NFX1: variants seen among roughly 807,000 people sequenced by gnomAD.
NFX1 encodes transcriptional repressor NF-X1.
Under a neutral mutation model 137.2 loss-of-function variants are expected in NFX1, and 69 were observed. The ratio of observed to expected loss-of-function variants is 0.50; its 90% CI spans 0.41 to 0.61. NFX1 has a LOEUF of 0.61. Among genes scored for constraint, NFX1 ranks in the 20% least tolerant of loss-of-function variants. The pLI, the probability that NFX1 is intolerant of heterozygous loss-of-function variation, is 0.00. For missense variants in NFX1, 1,167 were observed against 1,391.0 expected, an observed-to-expected ratio of 0.84 and a Z score of 2.56; for synonymous variants, 495 against 474.1, an observed-to-expected ratio of 1.04 and a Z score of -0.57.
chr9:33,310,384 A>G (rs1278513307), intron 5 of NFX1, among the ~76,000 whole-genome samples: 1 of 152,184 alleles, frequency 6.6e-6, no homozygotes, highest in East Asian at 1.9e-4. Context: ...CCACTGTGTA[A>G]TTTGCCAAAG....
At chr9:33,364,992 G>A (rs1001379224) in intron 21 of NFX1, 16 of 1,359,590 alleles carry the variant, frequency 1.2e-5, no homozygotes, top group Non-Finnish European at 1.5e-5. Flanking sequence ...ATCTACAGTC[G>A]GCTGGGCACA....
At chr9:33,352,898 T>G in intron 17 of NFX1, 179 bp downstream of exon 17, 1 of 561,052 alleles carries the variant, frequency 1.8e-6, no homozygotes, top group South Asian at 2.3e-5. Flanking sequence ...ATAGTATCCT[T>G]GCAACTTTTC....
intron 19 of NFX1, among the ~76,000 whole-genome samples, chr9:33,357,005 A>T (rs1036375120): frequency 5.3e-5 from 8 of 151,738 alleles, no homozygotes; most frequent in South Asian, 2.1e-4. Flanking sequence ...AAAAAAAAAA[A>T]AAAATAAGCC....
intron 9 of NFX1, among the ~76,000 whole-genome samples, chr9:33,321,708 T>G (rs940682298): frequency 7.9e-5 from 12 of 152,098 alleles, no homozygotes; most frequent in Non-Finnish European, 4.4e-5. Flanking sequence ...AGACCCTGTA[T>G]GTACCAAAAA....
intron 10 of NFX1, among the ~76,000 whole-genome samples, chr9:33,330,337 C>T (rs974795180): frequency 7.2e-5 from 11 of 152,150 alleles, no homozygotes; most frequent in African/African-American, 2.4e-4. Context: ...GGATATAGTC[C>T]ATAAATGGGA....
At chr9:33,360,793 A>G (rs532435433) in intron 19 of NFX1, among the ~76,000 whole-genome samples, 33 of 152,346 alleles carry the variant, frequency 2.2e-4, no homozygotes, top group African/African-American at 7.9e-4. Context: ...TCCCCTAGAA[A>G]TTCTCTTGAA....
rs373222370 is a variant in NFX1, at chr9:33,318,978, G to A, written c.1757G>A (p.Arg586Gln). The A allele has an allele frequency of 1.5e-5, 24 of 1,614,062 alleles. No individual in the cohort carries two copies. The African/African-American group carries it at 1.6e-4, about 11-fold the overall frequency. Reference sequence around the variant, plus strand: ...CCTCAGCCCTGCCAGCAATGCCCACGGCTCCCCCAGCTGGTGCGCTGTTGC... The same window carrying A: ...CCTCAGCCCTGCCAGCAATGCCCACAGCTCCCCCAGCTGGTGCGCTGTTGC... Reference protein sequence around the residue: ...CHPQPCQQCPRLPQLVRCCPC... With the variant: ...CHPQPCQQCPQLPQLVRCCPC... Residue 586 changes from arginine (R) to glutamine (Q), a missense_variant, in exon 9 of 24, where the codon CGG becomes CAG. Transcript: ENST00000379540.
At chr9:33,346,910 C>T (rs377421189) in intron 14 of NFX1, 128 bp from the exon 15 acceptor site, 3 of 568,208 alleles carry the variant, frequency 5.3e-6, no homozygotes, top group East Asian at 3.0e-5. Context: ...TTCCTGTGAC[C>T]GTTTTTCAAA....
intron 14 of NFX1, among the ~76,000 whole-genome samples, chr9:33,346,708 G>A (rs750923271): frequency 6.6e-6 from 1 of 152,196 alleles, no homozygotes; most frequent in Non-Finnish European, 1.5e-5. Flanking sequence ...GTGAGCAGTT[G>A]CGGTTAAAGT....
chr9:33,367,402 G>C lies in NFX1; in HGVS notation c.3186-113G>C, dbSNP rs1016969743. The stretch of plus-strand genomic sequence containing the variant: ...GTCTGAGAGCAGACAGTTCATACCA[G>C]AGAGTGCTCAGTAGTGTCATAGTGC... On this transcript the variant is annotated intron_variant, in intron 22 of 23. Coordinates refer to ENST00000379540, the MANE Select transcript of NFX1 (RefSeq NM_002504.6). 7.1e-6 allele frequency: 7 copies of C among 982,482 alleles called. No individual in the cohort carries two copies. In the African/African-American group the frequency reaches 7.9e-5, roughly 11 times the overall value. The allele number at this position is 982,482 out of a possible 1,614,324, so 60.9% of individuals were successfully genotyped here.
intron 18 of NFX1, among the ~76,000 whole-genome samples, 191 bp downstream of exon 18, chr9:33,354,378 AG>A (rs895169014): frequency 2.0e-5 from 3 of 152,230 alleles, no homozygotes; most frequent in Non-Finnish European, 4.4e-5. Flanking sequence ...CTAAGACTAA[AG>A]GAGACTTTTC....
At chr9:33,366,812 C>G (rs1230718629) in intron 22 of NFX1, 38 bp downstream of exon 22, 1 of 1,602,120 alleles carries the variant, frequency 6.2e-7, no homozygotes, top group East Asian at 2.2e-5. Flanking sequence ...AACTCCTAAG[C>G]AGGGCAAACT....
chr9:33,313,960 A>G (rs1472545002), intron 7 of NFX1, among the ~76,000 whole-genome samples, 167 bp downstream of exon 7: 1 of 152,038 alleles, frequency 6.6e-6, no homozygotes, highest in Non-Finnish European at 1.5e-5. Flanking sequence ...TTACCTGCAT[A>G]CCAGTATAGG....
chr9:33,308,110 A>G (rs1170543379), intron 5 of NFX1, among the ~76,000 whole-genome samples: 1 of 151,998 alleles, frequency 6.6e-6, no homozygotes, highest in Admixed American at 6.5e-5. Flanking sequence ...CAGCCATAGG[A>G]TGTCAGTCTT....
intron 9 of NFX1, among the ~76,000 whole-genome samples, chr9:33,323,996 C>T (rs1822484975): frequency 6.6e-6 from 1 of 152,156 alleles, no homozygotes; most frequent in African/African-American, 2.4e-5. Context: ...AATCTCAGTG[C>T]TTTGAGAGAT....
chr9:33,364,190 C>T (rs1468281297), intron 20 of NFX1, 82 bp downstream of exon 20: 2 of 873,814 alleles, frequency 2.3e-6, no homozygotes, highest in Non-Finnish European at 3.6e-6. Flanking sequence ...AATATGTACT[C>T]CTCCTGTGAT....
intron 12 of NFX1, among the ~76,000 whole-genome samples, chr9:33,342,489 T>C (rs1327031860): frequency 6.6e-6 from 1 of 152,152 alleles, no homozygotes; most frequent in Admixed American, 6.5e-5. Flanking sequence ...GTATCAAATA[T>C]ATGCAGAAGC....
At chr9:33,344,843 C>A (rs149939176) in intron 14 of NFX1, among the ~76,000 whole-genome samples, 2 of 142,636 alleles carry the variant, frequency 1.4e-5, no homozygotes, top group African/African-American at 5.3e-5. Flanking sequence ...TCCAGCCTGG[C>A]GACAGACCAA....
chr9:33,344,263 C>T, intron 14 of NFX1, 75 bp downstream of exon 14: 1 of 1,591,548 alleles, frequency 6.3e-7, no homozygotes, highest in South Asian at 1.1e-5. Flanking sequence ...TTACTGTCTT[C>T]ACTGCTCTAG....
Sources: gnomAD v4.1 joint callset for allele counts (sites outside exome capture counted in the v4.1 genomes callset) on GRCh38, gnomAD v4.1.1 for gene constraint, MANE v1.5 for transcripts, NCBI Gene and HGNC (gene_info 2026-07-23, HGNC 2026-07-21) for gene names.